Variants in CA5A observed in about 807,000 individuals in gnomAD.
CA5A encodes carbonic anhydrase 5A, also known as carbonic anhydrase 5A, mitochondrial.
In CA5A, 28 loss-of-function variants were observed where a neutral mutation model predicts 37.1. That is an observed-to-expected ratio of 0.75 (90% CI 0.56 to 1.03). The LOEUF is 1.03. Among genes scored for constraint, CA5A ranks in the 50% least tolerant of loss-of-function variants. The pLI is 0.00. For missense variants in CA5A, 444 were observed against 399.9 expected (o/e 1.11, Z -0.94); for synonymous variants, 171 against 158.4 (o/e 1.08, Z -0.60).
intron 5 of CA5A, among the ~76,000 whole-genome samples, 176 bp downstream of exon 5, chr16:87,901,736 T>C (rs2055881226): frequency 6.6e-6 from 1 of 151,930 alleles, no homozygotes; most frequent in Non-Finnish European, 1.5e-5. Flanking sequence ...TGCAGGCATG[T>C]GCCACCGCAC....
rs1399355550 is a variant in CA5A at position 87,913,660 on chromosome 16, CCT to C, written c.341-8758_341-8757del. Among the ~76,000 whole-genome samples, 199 of 131,328 alleles carry C rather than the reference CCT, an allele frequency of 1.5e-3. 1 individual carries two copies. The highest frequency in any genetic ancestry group is 6.8e-3 in the African/African-American group (190 of 27,772). The allele number at this position is 131,328 out of a possible 152,430, so 86.2% of individuals were successfully genotyped here. On this transcript the variant is annotated intron_variant, in intron 2 of 6. Transcript: ENST00000649794. The stretch of plus-strand genomic sequence containing the variant: ...CTGAGTGTCTGTGCCGTGGCCCCCC[CCT>C]CCTCTCCAATACGAAGAGCCCACAC...
chr16:87,926,630 CAGCAGCACAAGGAA>C (rs1297651932), intron 2 of CA5A, 104 bp downstream of exon 2: 9 of 794,860 alleles, frequency 1.1e-5, no homozygotes, highest in Admixed American at 6.9e-5. Context: ...GTCCCTGCCC[CAGCAGCACAAGGAA>C]AGCAGCACCT....
At chr16:87,928,756 C>CT (rs2056351904) in intron 1 of CA5A, among the ~76,000 whole-genome samples, 8 of 108,132 alleles carry the variant, frequency 7.4e-5, no homozygotes, top group African/African-American at 2.8e-4. Context: ...ATTTTCTTTT[C>CT]TTTGTTTTTT....
At chr16:87,900,118 C>T (rs964126540) in intron 5 of CA5A, among the ~76,000 whole-genome samples, 1 of 152,042 alleles carries the variant, frequency 6.6e-6, no homozygotes, top group African/African-American at 2.4e-5. Context: ...TGCTCCAGAA[C>T]CTTCCCCGGG....
At chr16:87,883,244 C>G (rs1225590060), downstream of CA5A, 1 of 152,100 alleles carries the variant, frequency 6.6e-6, no homozygotes, top group Non-Finnish European at 1.5e-5. Context: ...AGGCTCGTCT[C>G]AAACTCCTGA....
intron 5 of CA5A, among the ~76,000 whole-genome samples, chr16:87,892,555 T>A (rs986441688): frequency 1.5e-3 from 198 of 129,794 alleles, no homozygotes; most frequent in African/African-American, 4.9e-3. Context: ...ATAATAATAA[T>A]AAATTAATTA....
chr16:87,924,572 G>A (rs1047467259), intron 2 of CA5A, among the ~76,000 whole-genome samples: 4 of 152,264 alleles, frequency 2.6e-5, no homozygotes, highest in Admixed American at 1.3e-4. Context: ...CCTGCTCACT[G>A]AGGTCCCCTG....
chr16:87,898,724 T>G (rs1260976345), intron 5 of CA5A, among the ~76,000 whole-genome samples: 3 of 148,272 alleles, frequency 2.0e-5, no homozygotes, highest in African/African-American at 7.6e-5. Flanking sequence ...GCTGCTCTAG[T>G]GTGGATTTTT....
intron 2 of CA5A, among the ~76,000 whole-genome samples, chr16:87,908,288 C>CCTCT (rs1224138341): frequency 1.3e-5 from 2 of 152,298 alleles, no homozygotes; most frequent in East Asian, 3.9e-4. Flanking sequence ...TGAGCCTAAG[C>CCTCT]CTCTCTACCT....
At chr16:87,888,694 G>T (rs2055672635) in intron 6 of CA5A, among the ~76,000 whole-genome samples, 1 of 152,180 alleles carries the variant, frequency 6.6e-6, no homozygotes, top group African/African-American at 2.4e-5. Context: ...AAGATGGTAA[G>T]CCAGAGCCAC....
At chr16:87,913,664 CT>C (rs759418755) in intron 2 of CA5A, among the ~76,000 whole-genome samples, 3,530 of 138,952 alleles carry the variant, frequency 0.025, 117 homozygotes, top group African/African-American at 0.069. Flanking sequence ...CCCCCCCCTC[CT>C]CTCCAATACG....
intron 1 of CA5A, among the ~76,000 whole-genome samples, chr16:87,933,055 C>G (rs9935486): frequency 0.64 from 97,262 of 152,104 alleles, 31,413 homozygotes; most frequent in African/African-American, 0.73. Flanking sequence ...AGCAGGCCTG[C>G]ACCCACCCAG....
chr16:87,910,423 G>A (rs868055731), intron 2 of CA5A, among the ~76,000 whole-genome samples: 10 of 152,228 alleles, frequency 6.6e-5, no homozygotes, highest in Middle Eastern at 3.4e-3. Context: ...AGAGAGGTTC[G>A]GTCACCTGCC....
Position 87,890,195 on chromosome 16 carries a change from C to A in CA5A, c.774+1604G>T, listed in dbSNP as rs1054660726. On this transcript the variant is annotated intron_variant, in intron 6 of 6. Coordinates refer to ENST00000649794, the MANE Select transcript of CA5A (RefSeq NM_001739.2). ...TATTGGCTTCGTTTCTACTTTCCTG[C>A]CATACAGCAGTGTTCTGAGACGAAT... is the stretch of plus-strand genomic sequence containing the variant. 2.6e-5 allele frequency among the ~76,000 whole-genome samples: 4 copies of A among 152,236 alleles called. No individual in the cohort carries two copies. The East Asian group carries it at 7.7e-4, about 29-fold the overall frequency.
At chr16:87,921,018 C>G (rs1054484471) in intron 2 of CA5A, among the ~76,000 whole-genome samples, 7 of 152,070 alleles carry the variant, frequency 4.6e-5, no homozygotes, top group South Asian at 2.1e-4. Flanking sequence ...GTCTCGAACT[C>G]CTGACCTCAG....
downstream of CA5A, chr16:87,887,586 TG>T (rs547030541): frequency 6.2e-3 from 954 of 153,184 alleles, 5 homozygotes; most frequent in Non-Finnish European, 0.012. Context: ...AGCTAATTTT[TG>T]TGTTTTTTAT....
intron 3 of CA5A, among the ~76,000 whole-genome samples, chr16:87,902,727 A>G (rs1285017332): frequency 1.3e-5 from 2 of 150,032 alleles, no homozygotes; most frequent in East Asian, 2.0e-4. Context: ...TAACATGCTG[A>G]AATCCTGTCT....
rs1567520422 is a variant in CA5A, at chr16:87,902,303, G to A, written c.555+122C>T. On this transcript the variant is annotated intron_variant, in intron 4 of 6. Coordinates refer to ENST00000649794, the MANE Select transcript of CA5A (RefSeq NM_001739.2). ...CAGGAGGTGCAGGTTGCAATGAGCC[G>A]AGACTGTGCCACTGCACTCCAGCCT... The A allele has an allele frequency of 3.3e-5, 22 of 673,616 alleles. 1 individual carries two copies. In the East Asian group the frequency reaches 4.7e-4, roughly 14 times the overall value. 41.7% of individuals were successfully genotyped at this position (673,616 alleles called of 1,614,324 possible).
chr16:87,905,834 T>G (rs2143968143), intron 2 of CA5A, among the ~76,000 whole-genome samples: 1 of 152,328 alleles, frequency 6.6e-6, no homozygotes, highest in Non-Finnish European at 1.5e-5. Flanking sequence ...GGCCTCGGGG[T>G]GCCCCTCTCC....
Sources: allele counts gnomAD v4.1 joint callset (sites outside exome capture counted in the v4.1 genomes callset), GRCh38; gene constraint gnomAD v4.1.1; transcripts MANE v1.5; gene names NCBI Gene and HGNC (gene_info 2026-07-23, HGNC 2026-07-21).